Variants in PTK2B observed in about 807,000 individuals in gnomAD.
The protein encoded by PTK2B is protein tyrosine kinase 2 beta.
Under a neutral mutation model 142.9 loss-of-function variants are expected in PTK2B, and 71 were observed. The observed-to-expected ratio is 0.50, with a 90% CI of 0.41 to 0.61. The LOEUF is 0.61. Among genes scored for constraint, PTK2B ranks in the 20% least tolerant of loss-of-function variants. PTK2B has a pLI of 0.00. For missense variants in PTK2B, 1,105 were observed against 1,320.4 expected, an observed-to-expected ratio of 0.84 and a Z score of 2.53; for synonymous variants, 519 against 503.4, an observed-to-expected ratio of 1.03 and a Z score of -0.42.
At chr8:27,421,295 TA>T in intron 4 of PTK2B, among the ~76,000 whole-genome samples, 1 of 65,416 alleles carries the variant, frequency 1.5e-5, no homozygotes, top group Non-Finnish European at 4.2e-5. Flanking sequence ...TTTATTTATT[TA>T]TTTATTTATT....
rs200648337 is a variant in PTK2B at position 27,437,221 on chromosome 8, G to C, written c.1426+15G>C. On this transcript the variant is annotated intron_variant, in intron 16 of 30. Transcript: ENST00000346049. ...GAGCGAGGCAGGTAGGGACCCCTGA[G>C]ACCAACCAGGCCTCCAAGATGGGAG... 6.2e-7 allele frequency: 1 copy of C among 1,604,904 alleles called. No individual in the cohort carries two copies. Among genetic ancestry groups the C allele is most frequent in the Non-Finnish European group, 8.5e-7 (1 of 1,171,630 alleles).
intron 1 of PTK2B, among the ~76,000 whole-genome samples, chr8:27,346,343 T>A (rs1053829035): frequency 6.6e-6 from 1 of 152,152 alleles, no homozygotes; most frequent in Non-Finnish European, 1.5e-5. Context: ...AAGACTAGCC[T>A]GGGCAACATG....
At chr8:27,376,269 A>G (rs1294545697) in intron 1 of PTK2B, among the ~76,000 whole-genome samples, 4 of 152,186 alleles carry the variant, frequency 2.6e-5, no homozygotes, top group African/African-American at 9.7e-5. Flanking sequence ...AACTAGTGCC[A>G]TTGGCCGTTC....
chr8:27,447,469 A>G (rs933387105), intron 24 of PTK2B, among the ~76,000 whole-genome samples: 3 of 152,254 alleles, frequency 2.0e-5, no homozygotes, highest in African/African-American at 4.8e-5. Context: ...GAGTGGCTCT[A>G]TAGCCTGACT....
chr8:27,439,502 G>C (rs977817924), intron 20 of PTK2B, 104 bp downstream of exon 20: 1 of 1,223,452 alleles, frequency 8.2e-7, no homozygotes, highest in African/African-American at 1.5e-5. Context: ...TCCACCCTCC[G>C]TTCCCAGGGT....
intron 28 of PTK2B, 117 bp downstream of exon 28, chr8:27,453,277 A>T: frequency 7.2e-7 from 1 of 1,380,570 alleles, no homozygotes; most frequent in Non-Finnish European, 1.0e-6. Context: ...TGTCCTCATG[A>T]TACAGATGAA....
At chr8:27,395,822 C>T (rs921262294) in intron 1 of PTK2B, among the ~76,000 whole-genome samples, 96 of 152,250 alleles carry the variant, frequency 6.3e-4, no homozygotes, top group African/African-American at 2.2e-3. Context: ...TCTGATGTTT[C>T]CTGGGGTTAC....
intron 1 of PTK2B, among the ~76,000 whole-genome samples, chr8:27,380,082 A>T (rs375801182): frequency 3.3e-5 from 5 of 151,708 alleles, no homozygotes; most frequent in African/African-American, 1.2e-4. Context: ...GTTGTTTATT[A>T]TTGTTTGGAC....
chr8:27,368,156 G>C (rs1268202977), intron 1 of PTK2B, among the ~76,000 whole-genome samples: 2 of 152,230 alleles, frequency 1.3e-5, no homozygotes, highest in African/African-American at 2.4e-5. Context: ...AGTGAGTGCG[G>C]GACGGACGGG....
At chr8:27,313,601 A>G (rs1396977997) in intron 3 of PTK2B, among the ~76,000 whole-genome samples, 2 of 152,230 alleles carry the variant, frequency 1.3e-5, no homozygotes, top group Admixed American at 1.3e-4. Context: ...GCCCGAATGC[A>G]CAGTGCCCTC....
intron 1 of PTK2B, among the ~76,000 whole-genome samples, chr8:27,339,204 G>A (rs1804246413): frequency 6.6e-6 from 1 of 152,206 alleles, no homozygotes; most frequent in Non-Finnish European, 1.5e-5. Flanking sequence ...TTGGTCCAGA[G>A]TTGTAAGTCA....
chr8:27,311,227 C>A, upstream of PTK2B: 1 of 1,547,832 alleles, frequency 6.5e-7, no homozygotes, highest in Non-Finnish European at 8.7e-7. Flanking sequence ...CGTCGGGACT[C>A]CGCTCCATGG....
At chr8:27,310,967 G>A (rs377318623), upstream of PTK2B, 28 of 1,612,156 alleles carry the variant, frequency 1.7e-5, no homozygotes, top group Admixed American at 1.0e-4. Context: ...GGTCCAGCGC[G>A]CGCCCTCGGC....
intron 1 of PTK2B, among the ~76,000 whole-genome samples, chr8:27,352,099 G>C (rs554240631): frequency 5.9e-5 from 9 of 152,284 alleles, no homozygotes; most frequent in African/African-American, 2.2e-4. Flanking sequence ...CACGGCGGGG[G>C]GGCTGCCTGT....
At chr8:27,401,478 A>G (rs1244999064) in intron 2 of PTK2B, among the ~76,000 whole-genome samples, 1 of 152,178 alleles carries the variant, frequency 6.6e-6, no homozygotes, top group African/African-American at 2.4e-5. Context: ...ATTATAGTGG[A>G]GACAGTGAGT....
intron 1 of PTK2B, among the ~76,000 whole-genome samples, chr8:27,334,504 C>T (rs990875395): frequency 6.6e-6 from 1 of 152,184 alleles, no homozygotes; most frequent in Non-Finnish European, 1.5e-5. Flanking sequence ...CATCTGAGCT[C>T]CCCATGGCAG....
At chr8:27,437,026 C>T (rs1284091989) in intron 15 of PTK2B, 96 bp from the exon 16 acceptor site, 1 of 1,193,610 alleles carries the variant, frequency 8.4e-7, no homozygotes, top group East Asian at 2.3e-5. Flanking sequence ...CCTTTCCTGG[C>T]AGCAAAATCT....
At chr8:27,427,202 A>C (rs1046781641) in intron 5 of PTK2B, among the ~76,000 whole-genome samples, 3 of 152,144 alleles carry the variant, frequency 2.0e-5, no homozygotes, top group Non-Finnish European at 4.4e-5. Context: ...CTCTACATAC[A>C]TAGGAAACCT....
intron 1 of PTK2B, among the ~76,000 whole-genome samples, chr8:27,378,796 A>G (rs577230165): frequency 1.4e-4 from 22 of 152,276 alleles, no homozygotes; most frequent in Non-Finnish European, 2.8e-4. Flanking sequence ...AAGTGGAGCT[A>G]GGGGAGAGCA....
Sources: gnomAD v4.1 joint callset for allele counts (sites outside exome capture counted in the v4.1 genomes callset) on GRCh38, gnomAD v4.1.1 for gene constraint, MANE v1.5 for transcripts, NCBI Gene and HGNC (gene_info 2026-07-23, HGNC 2026-07-21) for gene names.